The following GRM8 variants were observed in gnomAD, a reference collection of about 807,000 sequenced individuals.
GRM8 encodes the protein glutamate metabotropic receptor 8.
In GRM8, 47 loss-of-function variants were observed where a neutral mutation model predicts 87.2. The ratio of observed to expected loss-of-function variants is 0.54; its 90% confidence interval spans 0.43 to 0.69. GRM8 has a LOEUF of 0.69. GRM8 is among the 30% of genes least tolerant of loss of function. The pLI is 0.00. For missense variants in GRM8, 1,019 were observed against 1,139.2 expected, an observed-to-expected ratio of 0.89 and a Z score of 1.52; for synonymous variants, 396 against 404.5, an observed-to-expected ratio of 0.98 and a Z score of 0.25.
At chr7:126,565,243 G>A (rs939978522) in intron 8 of GRM8, among the ~76,000 whole-genome samples, 1 of 152,110 alleles carries the variant, frequency 6.6e-6, no homozygotes, top group Non-Finnish European at 1.5e-5. Flanking sequence ...TTGGAAAGAA[G>A]CAAAATTGTC....
At chr7:126,966,742 C>T (rs536382049) in intron 3 of GRM8, among the ~76,000 whole-genome samples, 2 of 152,208 alleles carry the variant, frequency 1.3e-5, no homozygotes, top group African/African-American at 4.8e-5. Flanking sequence ...AACAAAACAA[C>T]TGGGCCAACA....
chr7:126,552,278 T>C (rs1458471048), intron 8 of GRM8, among the ~76,000 whole-genome samples: 2 of 152,150 alleles, frequency 1.3e-5, no homozygotes, highest in Non-Finnish European at 2.9e-5. Flanking sequence ...GTTTTAACTA[T>C]TCTTTAAGTC....
chr7:126,655,362 A>G (rs1298946469), intron 7 of GRM8, among the ~76,000 whole-genome samples: 2 of 152,192 alleles, frequency 1.3e-5, no homozygotes, highest in African/African-American at 4.8e-5. Context: ...AATTTAAAAC[A>G]TTTCATCTGA....
intron 8 of GRM8, among the ~76,000 whole-genome samples, chr7:126,586,631 T>C (rs1178607249): frequency 5.3e-5 from 8 of 152,212 alleles, no homozygotes; most frequent in Non-Finnish European, 1.5e-5. Flanking sequence ...TAGCCATATG[T>C]AGAAAGCTCA....
At chr7:126,798,535 C>T (rs925217201) in intron 6 of GRM8, among the ~76,000 whole-genome samples, 1 of 152,042 alleles carries the variant, frequency 6.6e-6, no homozygotes, top group Non-Finnish European at 1.5e-5. Context: ...CAGGGATGGG[C>T]CAGTGAGAGC....
At chr7:127,093,573 A>G (rs1444463930) in intron 3 of GRM8, among the ~76,000 whole-genome samples, 1 of 152,238 alleles carries the variant, frequency 6.6e-6, no homozygotes, top group Non-Finnish European at 1.5e-5. Context: ...TCGTATGACC[A>G]TAAGTACCAA....
At chr7:126,491,253 C>T (rs978446216) in intron 9 of GRM8, among the ~76,000 whole-genome samples, 3 of 152,032 alleles carry the variant, frequency 2.0e-5, no homozygotes, top group African/African-American at 7.2e-5. Flanking sequence ...CATGATTTTC[C>T]TCTCCATAGA....
intron 7 of GRM8, among the ~76,000 whole-genome samples, chr7:126,760,332 G>T (rs2151572583): frequency 6.6e-6 from 1 of 152,274 alleles, no homozygotes; most frequent in South Asian, 2.1e-4. Flanking sequence ...TTTCTTCAAT[G>T]CTGGCTCAGT....
chr7:126,652,623 A>G (rs1413765548), intron 7 of GRM8, among the ~76,000 whole-genome samples: 1 of 152,158 alleles, frequency 6.6e-6, no homozygotes, highest in East Asian at 1.9e-4. Flanking sequence ...TTAGCCTCCA[A>G]TCCTACATCT....
At position 126,904,498 on chromosome 7, in the gene GRM8, G is replaced by A. The variant is rs762650174; in HGVS notation, c.863+50C>T. The A allele has an allele frequency of 6.5e-6, 10 of 1,542,600 alleles. No homozygotes were observed. In the Admixed American group the frequency reaches 1.7e-4, roughly 26 times the overall value. On this transcript the variant is annotated intron_variant, in intron 4 of 10. Transcript: ENST00000339582. ...TGAACATGAAATATGTTAGAAAGAGGATATGGGACACAAATCTGACCCTAC... is the reference window on the plus strand; with the variant it reads ...TGAACATGAAATATGTTAGAAAGAGAATATGGGACACAAATCTGACCCTAC...
chr7:127,170,413 A>G (rs892419106), intron 2 of GRM8, among the ~76,000 whole-genome samples: 2 of 152,182 alleles, frequency 1.3e-5, no homozygotes, highest in African/African-American at 4.8e-5. Flanking sequence ...TACTAAAACC[A>G]CTATGGAAAA....
At chr7:126,805,320 T>A (rs1792564475) in intron 6 of GRM8, among the ~76,000 whole-genome samples, 1 of 152,188 alleles carries the variant, frequency 6.6e-6, no homozygotes, top group East Asian at 1.9e-4. Flanking sequence ...GGCAATAATG[T>A]CCAATCAGAG....
intron 9 of GRM8, among the ~76,000 whole-genome samples, chr7:126,529,613 G>A (rs1482458226): frequency 6.6e-6 from 1 of 152,082 alleles, no homozygotes; most frequent in Admixed American, 6.6e-5. Context: ...CTTTGAGGGT[G>A]TTTTGTTTTG....
chr7:126,514,465 A>C (rs1811887857), intron 9 of GRM8, among the ~76,000 whole-genome samples: 1 of 152,116 alleles, frequency 6.6e-6, no homozygotes, highest in Non-Finnish European at 1.5e-5. Flanking sequence ...TATCAGAAAA[A>C]TGGGTGAATA....
chr7:127,018,800 T>C (rs926064993), intron 3 of GRM8, among the ~76,000 whole-genome samples: 1 of 151,954 alleles, frequency 6.6e-6, no homozygotes, highest in East Asian at 1.9e-4. Flanking sequence ...AGTCATCTTG[T>C]AACATGAGGC....
At chr7:126,729,645 A>T (rs1307519428) in intron 7 of GRM8, among the ~76,000 whole-genome samples, 1 of 152,222 alleles carries the variant, frequency 6.6e-6, no homozygotes, top group East Asian at 1.9e-4. Flanking sequence ...TTTGGCAGAT[A>T]CTGGGTAACT....
At chr7:126,819,075 C>T (rs930872573) in intron 6 of GRM8, among the ~76,000 whole-genome samples, 1 of 152,116 alleles carries the variant, frequency 6.6e-6, no homozygotes, top group African/African-American at 2.4e-5. Flanking sequence ...AGGGATCTCC[C>T]GTTTCTGTGT....
intron 7 of GRM8, among the ~76,000 whole-genome samples, chr7:126,759,402 A>AT (rs1817356287): frequency 6.6e-6 from 1 of 152,062 alleles, no homozygotes; most frequent in Non-Finnish European, 1.5e-5. Flanking sequence ...CAATAAAAAA[A>AT]GTAATATATA....
chr7:127,137,616 T>C (rs1828016907), intron 2 of GRM8, among the ~76,000 whole-genome samples: 1 of 152,158 alleles, frequency 6.6e-6, no homozygotes, highest in South Asian at 2.1e-4. Flanking sequence ...GCTATGATAA[T>C]GAGCTGTTGT....
Sources: allele counts gnomAD v4.1 joint callset (sites outside exome capture counted in the v4.1 genomes callset), GRCh38; gene constraint gnomAD v4.1.1; transcripts MANE v1.5; gene names NCBI Gene and HGNC (gene_info 2026-07-23, HGNC 2026-07-21).